PIGZ: variants seen among roughly 807,000 people sequenced by gnomAD.
PIGZ encodes GPI alpha-1,2-mannosyltransferase 4.
A neutral mutation model predicts 16.4 loss-of-function variants in PIGZ; 16 were observed. The ratio of observed to expected loss-of-function variants is 0.97; its 90% CI spans 0.66 to 1.48. PIGZ has a LOEUF of 1.48. Among genes scored for constraint, PIGZ ranks in the 40% most tolerant of loss-of-function variants. The pLI is 0.00. For missense variants in PIGZ, 770 were observed against 739.2 expected, an observed-to-expected ratio of 1.04 and a Z score of -0.48; for synonymous variants, 409 against 338.4, an observed-to-expected ratio of 1.21 and a Z score of -2.29.
intron 1 of PIGZ, among the ~76,000 whole-genome samples, chr3:196,958,500 G>A (rs911421682): frequency 2.0e-5 from 3 of 152,148 alleles, no homozygotes; most frequent in East Asian, 1.9e-4. Flanking sequence ...GCGTGGTGGC[G>A]GGCGCCTGTC....
At chr3:196,962,844 C>G (rs1189546509) in intron 1 of PIGZ, among the ~76,000 whole-genome samples, 2 of 152,216 alleles carry the variant, frequency 1.3e-5, no homozygotes, top group Admixed American at 1.3e-4. Context: ...CCACATCCCC[C>G]TCACTGAGAT....
intron 1 of PIGZ, among the ~76,000 whole-genome samples, chr3:196,961,492 C>T (rs1717721397): frequency 6.6e-6 from 1 of 152,106 alleles, no homozygotes; most frequent in African/African-American, 2.4e-5. Context: ...CCCTGTAGTC[C>T]CAGCTCCTTG....
At chr3:196,951,147 A>T (rs775080759) in intron 2 of PIGZ, among the ~76,000 whole-genome samples, 2 of 152,214 alleles carry the variant, frequency 1.3e-5, no homozygotes, top group Non-Finnish European at 2.9e-5. Context: ...GCCCAGTGTG[A>T]TAGAAATGAG....
At chr3:196,962,009 G>A (rs1475005012) in intron 1 of PIGZ, among the ~76,000 whole-genome samples, 3 of 152,056 alleles carry the variant, frequency 2.0e-5, no homozygotes. Context: ...TCCCTATCCT[G>A]AACTTCCATA....
Position 196,947,804 on chromosome 3 carries a change from T to C in PIGZ, c.1093A>G (p.Ser365Gly). Reference protein sequence around the residue: ...RALGARSLLSSPRSYLLLLYF... With the variant: ...RALGARSLLSGPRSYLLLLYF... ...AGGAGAAGGAGATAGGACCTGGGGCTGGACAGCAGGCTCCGGGCACCCAGT... is the reference window on the plus strand; with the variant it reads ...AGGAGAAGGAGATAGGACCTGGGGCCGGACAGCAGGCTCCGGGCACCCAGT... The change falls in exon 3 of 3, where the codon AGC becomes GGC. Residue 365 changes from serine to glycine, a missense_variant. Ser to Gly is a moderately conservative substitution (Grantham distance 56). Coordinates refer to ENST00000412723, the MANE Select transcript of PIGZ (RefSeq NM_025163.4). The C allele has an allele frequency of 6.2e-7, 1 of 1,608,082 alleles. No homozygotes were observed. Among genetic ancestry groups the C allele is most frequent in the Non-Finnish European group, 8.5e-7 (1 of 1,176,182 alleles).
chr3:196,956,701 C>A (rs886361850), intron 1 of PIGZ, among the ~76,000 whole-genome samples: 15 of 152,156 alleles, frequency 9.9e-5, no homozygotes, highest in African/African-American at 3.4e-4. Flanking sequence ...GTTCTATCTT[C>A]CATGTCTCTA....
chr3:196,948,612 G>T lies in PIGZ; in HGVS notation c.285C>A (p.Phe95Leu). Residue 95 changes from phenylalanine (F) to leucine (L), a missense_variant, in exon 3 of 3, where the codon TTC becomes TTA. Phe to Leu is a conservative substitution (Grantham distance 22). Coordinates refer to ENST00000412723, the MANE Select transcript of PIGZ (RefSeq NM_025163.4). Reference sequence around the variant, plus strand: ...AGGTGGAACCAGAGATCAGCAGGGGGAAGAGCACCGAGCGGCAGGAGCTGC... The same window carrying T: ...AGGTGGAACCAGAGATCAGCAGGGGTAAGAGCACCGAGCGGCAGGAGCTGC... ...YPSSSCRSVL[F>L]PLLISGSTFW... is the part of the protein sequence containing the mutation. 4 of 1,542,102 alleles carry T rather than the reference G, an allele frequency of 2.6e-6. No homozygotes were observed. The highest frequency in any genetic ancestry group is 2.4e-5 in the East Asian group (1 of 42,134).
chr3:196,950,753 T>TC (rs1264630835), intron 2 of PIGZ, among the ~76,000 whole-genome samples: 1 of 151,520 alleles, frequency 6.6e-6, no homozygotes, highest in Non-Finnish European at 1.5e-5. Context: ...ACTTTTTTTT[T>TC]TCTTTTTTTG....
In PIGZ at chr3:196,948,529, T is replaced by A; in HGVS notation, c.368A>T (p.Tyr123Phe). 1 of 1,611,002 alleles carries A rather than the reference T, an allele frequency of 6.2e-7. No homozygotes were observed. Among genetic ancestry groups the A allele is most frequent in the Non-Finnish European group, 8.5e-7 (1 of 1,178,706 alleles). The change falls in exon 3 of 3, where the codon TAT becomes TTT. Residue 123 changes from tyrosine to phenylalanine, a missense_variant. By Grantham distance (22) the Tyr-to-Phe change is conservative. Transcript: ENST00000412723. The stretch of plus-strand genomic sequence containing the variant: ...GAGTCGAGGCCCCACCAGCAGCGCA[T>A]AGCCGCTCACCAGGCCAGGCCACGG... ...LGPWPGLVSG[Y>F]ALLVGPRLLL...
chr3:196,962,580 G>A (rs1004959287), intron 1 of PIGZ, among the ~76,000 whole-genome samples: 8 of 152,100 alleles, frequency 5.3e-5, no homozygotes, highest in Non-Finnish European at 7.4e-5. Context: ...AAACCTGATC[G>A]TACATTCTAT....
At chr3:196,968,620 C>G (rs1478242194) in intron 1 of PIGZ, 67 bp downstream of exon 1, 1 of 152,276 alleles carries the variant, frequency 6.6e-6, no homozygotes, top group African/African-American at 2.4e-5. Flanking sequence ...GGAACGCGGC[C>G]GACTTGGTCC....
chr3:196,952,893 A>G (rs1008128983), intron 1 of PIGZ, among the ~76,000 whole-genome samples: 30 of 152,302 alleles, frequency 2.0e-4, no homozygotes, highest in African/African-American at 6.3e-4. Context: ...TGCCTCAGAC[A>G]TCGGTGCTCC....
At chr3:196,951,567 G>T in intron 2 of PIGZ, 1 of 546,658 alleles carries the variant, frequency 1.8e-6, no homozygotes, top group Non-Finnish European at 3.3e-6. Context: ...GACCTGTATT[G>T]TTGGTCCAAG....
Position 196,965,227 on chromosome 3 carries a change from T to C in PIGZ, c.-1+3460A>G, listed in dbSNP as rs923988709. ...GTTTCATTGACTCACAGTTCTACATTGCTGGGGAAGTTTCAGGAAACTTAC... is the reference window on the plus strand; with the variant it reads ...GTTTCATTGACTCACAGTTCTACATCGCTGGGGAAGTTTCAGGAAACTTAC... On this transcript the variant is annotated intron_variant, in intron 1 of 2. Coordinates refer to ENST00000412723, the MANE Select transcript of PIGZ (RefSeq NM_025163.4). The surrounding 1 kb of genome is among the most constrained non-coding windows in gnomAD (Gnocchi z 4.2). Among the ~76,000 whole-genome samples, 3 of 149,614 alleles carry C rather than the reference T, an allele frequency of 2.0e-5. No individual in the cohort carries two copies. The East Asian group carries it at 5.8e-4, about 29-fold the overall frequency.
chr3:196,946,867 A>G lies in PIGZ; in HGVS notation c.*290T>C, dbSNP rs907419095. The G allele has an allele frequency of 2.8e-6, 1 of 353,550 alleles. No homozygotes were observed. The highest frequency in any genetic ancestry group is 2.1e-5 in the African/African-American group (1 of 47,912). The allele number at this position is 353,550 out of a possible 1,614,324, so 21.9% of individuals were successfully genotyped here. ...CCAGGTACTATCACATATTTCAAAC[A>G]TCACAGTGGCTGGAAGCAACAGGGC... On this transcript the variant is annotated 3_prime_UTR_variant, in exon 3 of 3. Coordinates refer to ENST00000412723, the MANE Select transcript of PIGZ (RefSeq NM_025163.4).
chr3:196,957,577 TCA>T lies in PIGZ; in HGVS notation c.1-5548_1-5547del, dbSNP rs1717548333. Among the ~76,000 whole-genome samples, 5 of 152,250 alleles carry T rather than the reference TCA, an allele frequency of 3.3e-5. No homozygotes were observed. In the South Asian group the frequency reaches 1.0e-3, roughly 32 times the overall value. On this transcript the variant is annotated intron_variant, in intron 1 of 2. Transcript: ENST00000412723. The stretch of plus-strand genomic sequence containing the variant: ...TTGTATTTTTAGTAGAGACGGGGTT[TCA>T]TCATGTTGGCCAGGCTGGTCTCGAA...
At chr3:196,966,968 T>TG (rs1717953806) in intron 1 of PIGZ, among the ~76,000 whole-genome samples, 1 of 151,732 alleles carries the variant, frequency 6.6e-6, no homozygotes. Flanking sequence ...GAGATTGGAC[T>TG]GGGGGGCAGG....
In PIGZ at chr3:196,965,865, CCT is replaced by C. The variant is rs1422315752; in HGVS notation, c.-1+2820_-1+2821del. On this transcript the variant is annotated intron_variant, in intron 1 of 2. Coordinates refer to ENST00000412723, the MANE Select transcript of PIGZ (RefSeq NM_025163.4). This position sits in a 1 kb window ranked among gnomAD's most constrained non-coding sequence, Gnocchi z 4.2. Reference sequence around the variant, plus strand: ...CTGGAGTAGACTGCACCGCCATCCGCCTCTCCACTTTCCCTCTCTCACTGCAT... The same window carrying C: ...CTGGAGTAGACTGCACCGCCATCCGCCTCCACTTTCCCTCTCTCACTGCAT... Among the ~76,000 whole-genome samples the C allele has an allele frequency of 1.3e-5, 2 of 152,130 alleles. No individual in the cohort carries two copies. Among genetic ancestry groups the C allele is most frequent in the African/African-American group, 2.4e-5 (1 of 41,418 alleles).
intron 1 of PIGZ, among the ~76,000 whole-genome samples, chr3:196,966,675 C>G (rs1717940375): frequency 6.6e-6 from 1 of 152,234 alleles, no homozygotes; most frequent in South Asian, 2.1e-4. Flanking sequence ...CGCCCGCTGG[C>G]GTCTCTCCAG....
Sources: gnomAD v4.1 joint callset for allele counts (sites outside exome capture counted in the v4.1 genomes callset) on GRCh38, gnomAD v4.1.1 for gene constraint, Gnocchi (gnomAD v3.1) non-coding constraint, MANE v1.5 for transcripts, NCBI Gene and HGNC (gene_info 2026-07-23, HGNC 2026-07-21) for gene names.